TTC8: variants seen among roughly 807,000 people sequenced by gnomAD.
TTC8 encodes tetratricopeptide repeat protein 8.
Under a neutral mutation model 72.5 loss-of-function variants are expected in TTC8, and 47 were observed. The observed-to-expected ratio is 0.65, with a 90% CI of 0.51 to 0.83. TTC8 has a LOEUF of 0.83. TTC8 is among the 40% of genes least tolerant of loss of function. The pLI, the probability that TTC8 is intolerant of heterozygous loss-of-function variation, is 0.00. For synonymous variants in TTC8, 199 were observed against 221.4 expected (o/e 0.90, Z 0.90); for missense variants, 611 against 623.2 (o/e 0.98, Z 0.21).
chr14:88,837,307 G>C (rs1365385119), intron 2 of TTC8, among the ~76,000 whole-genome samples: 2 of 152,026 alleles, frequency 1.3e-5, no homozygotes, highest in East Asian at 3.9e-4. Flanking sequence ...TGTCCACTTT[G>C]CCTGTCCGCT....
intron 13 of TTC8, 47 bp from the exon 14 acceptor site, chr14:88,874,979 T>C (rs553523516): frequency 7.6e-6 from 11 of 1,449,648 alleles, no homozygotes; most frequent in East Asian, 4.6e-5. Context: ...GGTGCTGATA[T>C]ATGTTCATAC....
chr14:88,857,970 T>C (rs964918483), intron 9 of TTC8, among the ~76,000 whole-genome samples: 2 of 151,808 alleles, frequency 1.3e-5, no homozygotes, highest in East Asian at 1.9e-4. Flanking sequence ...TTTCATTTTT[T>C]TTTTTTTTTG....
At chr14:88,860,813 T>C (rs983015698) in intron 9 of TTC8, among the ~76,000 whole-genome samples, 3 of 151,118 alleles carry the variant, frequency 2.0e-5, no homozygotes, top group African/African-American at 7.3e-5. Context: ...TCTTCTTCTT[T>C]TTTTTTTTTT....
At chr14:88,852,834 GA>G in intron 7 of TTC8, 136 bp from the exon 8 acceptor site, 2 of 745,230 alleles carry the variant, frequency 2.7e-6, no homozygotes, top group Admixed American at 4.3e-5. Context: ...CTGGAAACAT[GA>G]GCAACTTGAG....
chr14:88,876,848 T>C (rs1160450247), intron 14 of TTC8, among the ~76,000 whole-genome samples: 1 of 152,172 alleles, frequency 6.6e-6, no homozygotes, highest in Non-Finnish European at 1.5e-5. Flanking sequence ...AGGTAACAAC[T>C]CTAATCAAAA....
intron 6 of TTC8, among the ~76,000 whole-genome samples, chr14:88,842,989 T>A (rs183781420): frequency 1.3e-5 from 2 of 152,230 alleles, no homozygotes; most frequent in East Asian, 1.9e-4. Context: ...TTGATTTTTT[T>A]AAAAAATTGG....
chr14:88,874,272 G>C (rs1362633569), intron 13 of TTC8, among the ~76,000 whole-genome samples: 2 of 151,978 alleles, frequency 1.3e-5, no homozygotes, highest in African/African-American at 2.4e-5. Flanking sequence ...CATTAAAAAA[G>C]TTATACAAAT....
Position 88,872,394 on chromosome 14 carries a change from A to G in TTC8, c.1289A>G (p.His430Arg). 6.2e-7 allele frequency: 1 copy of G among 1,613,940 alleles called. No homozygotes were observed. Among genetic ancestry groups the G allele is most frequent in the Non-Finnish European group, 8.5e-7 (1 of 1,179,930 alleles). The change falls in exon 13 of 15, where the codon CAC (histidine) becomes CGC (arginine). Residue 430 changes from histidine (H) to arginine (R), a missense_variant. His to Arg is a conservative substitution (Grantham distance 29, BLOSUM62 0). Transcript: ENST00000380656. ...CTGGCTCTGGTCAACAACAACAACC[A>G]CGCCGAGGCCTACAACAACCTGGCT... ...FRLALVNNNN[H>R]AEAYNNLAVL...
In TTC8 at chr14:88,824,715, C is replaced by CGG; in HGVS notation, c.9_10dup (p.Glu4GlyfsTer51). 2 of 1,607,880 alleles carry CGG rather than the reference C, an allele frequency of 1.2e-6. No homozygotes were observed. Among genetic ancestry groups the CGG allele is most frequent in the Non-Finnish European group, 8.5e-7 (1 of 1,177,586 alleles). The stretch of plus-strand genomic sequence containing the variant: ...CTGGCCGCACCGGCAGCCATGAGCT[C>CGG]GGAGATGGAGCCGCTGCTCCTGGCC... On this transcript the variant is annotated frameshift_variant, in exon 1 of 15. Coordinates refer to ENST00000380656, the MANE Select transcript of TTC8 (RefSeq NM_144596.4). LOFTEE classifies it high-confidence loss of function.
At position 88,877,515 on chromosome 14, in the gene TTC8, A is replaced by C. The variant is rs1362214381; in HGVS notation, c.*105A>C. On this transcript the variant is annotated 3_prime_UTR_variant, in exon 15 of 15. Coordinates refer to ENST00000380656, the MANE Select transcript of TTC8 (RefSeq NM_144596.4). ...TATAGTGTAATACGTATATTTTAAC[A>C]AACCTGTCCTTGATATTAGTTAAGG... 1 of 932,754 alleles carries C rather than the reference A, an allele frequency of 1.1e-6. No homozygotes were observed. Among genetic ancestry groups the C allele is most frequent in the Non-Finnish European group, 1.8e-6 (1 of 567,734 alleles). The allele number at this position is 932,754 out of a possible 1,614,324, so 57.8% of individuals were successfully genotyped here.
chr14:88,858,353 T>C (rs1016146071), intron 9 of TTC8, among the ~76,000 whole-genome samples: 5 of 152,202 alleles, frequency 3.3e-5, no homozygotes, highest in Admixed American at 6.5e-5. Flanking sequence ...GACATGATTT[T>C]GCTTTATCTG....
intron 2 of TTC8, among the ~76,000 whole-genome samples, chr14:88,838,052 T>C (rs2094761386): frequency 6.6e-6 from 1 of 152,228 alleles, no homozygotes; most frequent in Non-Finnish European, 1.5e-5. Context: ...TAACCAAATG[T>C]ATTTTCACTT....
intron 7 of TTC8, among the ~76,000 whole-genome samples, chr14:88,850,230 TG>T (rs931819636): frequency 4.6e-5 from 7 of 152,342 alleles, no homozygotes; most frequent in African/African-American, 1.7e-4. Context: ...CAATTTTGTT[TG>T]GTTTTTAAGG....
At chr14:88,841,595 C>A in intron 6 of TTC8, 81 bp downstream of exon 6, 2 of 1,196,818 alleles carry the variant, frequency 1.7e-6, no homozygotes, top group Non-Finnish European at 2.5e-6. Context: ...TGAATAAAAA[C>A]TTGTGAAGGA....
At chr14:88,861,418 A>G (rs1027219747) in intron 10 of TTC8, 86 bp downstream of exon 10, 16 of 951,064 alleles carry the variant, frequency 1.7e-5, no homozygotes, top group Non-Finnish European at 2.5e-5. Context: ...TAATTCCTGT[A>G]TACAATGTGT....
intron 10 of TTC8, among the ~76,000 whole-genome samples, chr14:88,866,824 G>C (rs1273310370): frequency 6.6e-6 from 1 of 152,132 alleles, no homozygotes; most frequent in Non-Finnish European, 1.5e-5. Context: ...CCTGTGTCCA[G>C]GAGGGCAGTG....
intron 9 of TTC8, 52 bp downstream of exon 9, chr14:88,857,329 A>C (rs1566848364): frequency 1.3e-6 from 2 of 1,489,004 alleles, no homozygotes; most frequent in South Asian, 2.3e-5. Flanking sequence ...TAAATGTTTA[A>C]ATTCTGGCCA....
At position 88,871,512 on chromosome 14, in the gene TTC8, G is replaced by T; in HGVS notation, c.1050-37G>T. The T allele has an allele frequency of 2.5e-6, 4 of 1,606,916 alleles. No homozygotes were observed. Among genetic ancestry groups the T allele is most frequent in the East Asian group, 4.5e-5 (2 of 44,762 alleles). On this transcript the variant is annotated intron_variant, in intron 11 of 14. Coordinates refer to ENST00000380656, the MANE Select transcript of TTC8 (RefSeq NM_144596.4). This position sits in a 1 kb window ranked among gnomAD's most constrained non-coding sequence, Gnocchi z 4.1. ...ATATGTCTTAAAACTTACAAAGTTG[G>T]TCTGACACCAAAATTTGTGTGTTCT...
chr14:88,853,709 C>G (rs1030994048), intron 8 of TTC8, among the ~76,000 whole-genome samples: 2 of 152,112 alleles, frequency 1.3e-5, no homozygotes, highest in African/African-American at 4.8e-5. Context: ...TTTTTATATT[C>G]TCTTAATGTT....
Sources: allele counts gnomAD v4.1 joint callset (sites outside exome capture counted in the v4.1 genomes callset), GRCh38; gene constraint gnomAD v4.1.1; non-coding constraint Gnocchi (gnomAD v3.1); transcripts MANE v1.5; gene names NCBI Gene and HGNC (gene_info 2026-07-23, HGNC 2026-07-21).